Variants in SAMSN1 observed in about 807,000 individuals in gnomAD.
SAMSN1 encodes the protein SAM domain-containing protein SAMSN-1.
SAMSN1 carries 31 observed loss-of-function variants against 42.0 expected under a neutral mutation model. The ratio of observed to expected loss-of-function variants is 0.74; its 90% CI spans 0.55 to 1.00. The LOEUF (loss-of-function observed/expected upper bound fraction) is 1.00, where lower values mean the gene tolerates loss of function less well. Among genes scored for constraint, SAMSN1 ranks in the 50% least tolerant of loss-of-function variants. The pLI is 0.00. For missense variants in SAMSN1, 464 were observed against 439.4 expected, an observed-to-expected ratio of 1.06 and a Z score of -0.50; for synonymous variants, 178 against 151.9, an observed-to-expected ratio of 1.17 and a Z score of -1.26.
upstream of SAMSN1, among the ~76,000 whole-genome samples, chr21:14,546,622 G>A (rs13052873): frequency 0.22 from 32,942 of 150,636 alleles, 4,533 homozygotes; most frequent in East Asian, 0.49. Flanking sequence ...AGAAAAAATC[G>A]GAGCCAATAA....
At chr21:14,586,994 G>A (rs992007863), upstream of SAMSN1, among the ~76,000 whole-genome samples, 1 of 152,182 alleles carries the variant, frequency 6.6e-6, no homozygotes, top group African/African-American at 2.4e-5. Flanking sequence ...TGAGCCCAGA[G>A]AATAACAGAG....
At chr21:14,510,034 G>T (rs1987612474) in intron 5 of SAMSN1, among the ~76,000 whole-genome samples, 1 of 152,052 alleles carries the variant, frequency 6.6e-6, no homozygotes, top group Non-Finnish European at 1.5e-5. Flanking sequence ...AGCTACTCGG[G>T]AGGCTGAGGC....
chr21:14,502,765 G>A (rs1003142494), intron 5 of SAMSN1, among the ~76,000 whole-genome samples: 3 of 152,072 alleles, frequency 2.0e-5, no homozygotes, highest in African/African-American at 7.2e-5. Context: ...CATAACTAAG[G>A]AGCTTACTGT....
intron 1 of SAMSN1, among the ~76,000 whole-genome samples, chr21:14,540,969 A>C (rs928360508): frequency 2.6e-5 from 4 of 152,182 alleles, no homozygotes; most frequent in Non-Finnish European, 5.9e-5. Flanking sequence ...TGATGAGTTC[A>C]TGTCCTTTGT....
chr21:14,606,139 C>A (rs1395769453), intron 5 of SAMSN1, among the ~76,000 whole-genome samples: 1 of 152,080 alleles, frequency 6.6e-6, no homozygotes, highest in Admixed American at 6.6e-5. Context: ...TGCGCCCGGT[C>A]AAGAAGATTT....
At chr21:14,608,125 A>C (rs1982612083) in intron 5 of SAMSN1, among the ~76,000 whole-genome samples, 1 of 152,208 alleles carries the variant, frequency 6.6e-6, no homozygotes, top group Non-Finnish European at 1.5e-5. Context: ...TTCACACAAG[A>C]GAGCACCTCC....
chr21:14,576,984 T>C (rs1169681021), intron 2 of SAMSN1, among the ~76,000 whole-genome samples: 1 of 151,238 alleles, frequency 6.6e-6, no homozygotes, highest in African/African-American at 2.4e-5. Flanking sequence ...TTTGAAAATA[T>C]TTTAGAAATT....
chr21:14,548,804 G>A (rs80196097), upstream of SAMSN1, among the ~76,000 whole-genome samples: 1,953 of 152,006 alleles, frequency 0.013, 15 homozygotes, highest in South Asian at 0.025. Flanking sequence ...GATATTTAGT[G>A]AGTGACACAG....
At chr21:14,634,458 A>G (rs1245154754) in intron 2 of SAMSN1, among the ~76,000 whole-genome samples, 2 of 152,210 alleles carry the variant, frequency 1.3e-5, no homozygotes, top group African/African-American at 2.4e-5. Context: ...GAACTTAAAC[A>G]AATTTCCAAG....
chr21:14,485,709 T>A lies in SAMSN1; in HGVS notation c.*203A>T, dbSNP rs527828903. The A allele has an allele frequency of 1.8e-5, 8 of 450,596 alleles. No individual in the cohort carries two copies. Among genetic ancestry groups the A allele is most frequent in the African/African-American group, 7.9e-5 (4 of 50,906 alleles). 27.9% of individuals were successfully genotyped at this position (450,596 alleles called of 1,614,324 possible). A position where few individuals can be genotyped will look rare whatever the true frequency, so the allele number is the denominator to read the frequency against. Reference sequence around the variant, plus strand: ...AAGTGAAATATTAACACATAGCATTTAAAATAATAAATATATATTTTATTG... The same window carrying A: ...AAGTGAAATATTAACACATAGCATTAAAAATAATAAATATATATTTTATTG... On this transcript the variant is annotated 3_prime_UTR_variant, in exon 8 of 8. Coordinates refer to ENST00000400566, the MANE Select transcript of SAMSN1 (RefSeq NM_022136.5).
intron 2 of SAMSN1, among the ~76,000 whole-genome samples, chr21:14,553,063 T>C (rs565241803): frequency 2.4e-4 from 37 of 152,232 alleles, no homozygotes; most frequent in Non-Finnish European, 4.0e-4. Flanking sequence ...AAAATGTTTC[T>C]AGTTGGTTAG....
intron 2 of SAMSN1, among the ~76,000 whole-genome samples, chr21:14,577,077 A>G (rs1283957822): frequency 1.5e-5 from 1 of 68,520 alleles, no homozygotes; most frequent in African/African-American, 7.1e-5. Context: ...TTTTTTTGAG[A>G]CGGAATCTCA....
At chr21:14,618,103 C>A (rs1266864444) in intron 2 of SAMSN1, among the ~76,000 whole-genome samples, 1 of 152,190 alleles carries the variant, frequency 6.6e-6, no homozygotes, top group African/African-American at 2.4e-5. Context: ...TCACAATATT[C>A]TCTAGGGACT....
At chr21:14,582,185 T>C (rs1420862935) in exon 2 of SAMSN1, 1 of 1,550,674 alleles carries the variant, frequency 6.4e-7, no homozygotes, top group Admixed American at 2.0e-5. Context: ...GAGACGTGTG[T>C]GGCGAATACA....
chr21:14,580,109 G>A (rs1265178745), intron 2 of SAMSN1, among the ~76,000 whole-genome samples: 4 of 151,956 alleles, frequency 2.6e-5, no homozygotes, highest in African/African-American at 4.8e-5. Flanking sequence ...AGATGATGAA[G>A]TATTTGATCT....
chr21:14,578,133 A>G (rs1276721253), intron 2 of SAMSN1, among the ~76,000 whole-genome samples: 1 of 152,190 alleles, frequency 6.6e-6, no homozygotes, highest in African/African-American at 2.4e-5. Flanking sequence ...ATTTCACTAA[A>G]TTTTTCTAAT....
At chr21:14,594,125 T>G (rs1429431486) in intron 6 of SAMSN1, 1 of 643,460 alleles carries the variant, frequency 1.6e-6, no homozygotes, top group Non-Finnish European at 2.9e-6. Flanking sequence ...TTAACATTCT[T>G]TAAAAAACAA....
At chr21:14,504,584 C>T (rs1406758278) in intron 5 of SAMSN1, among the ~76,000 whole-genome samples, 1 of 152,046 alleles carries the variant, frequency 6.6e-6, no homozygotes, top group African/African-American at 2.4e-5. Context: ...ATGAACAAAG[C>T]CTCCAAGAAG....
At chr21:14,644,020 T>C (rs1037351781) in intron 1 of SAMSN1, among the ~76,000 whole-genome samples, 4 of 152,144 alleles carry the variant, frequency 2.6e-5, no homozygotes, top group African/African-American at 9.7e-5. Context: ...TGGTCCAAGG[T>C]TGAGTGCCTG....
Sources: allele counts gnomAD v4.1 joint callset (sites outside exome capture counted in the v4.1 genomes callset), GRCh38; gene constraint gnomAD v4.1.1; transcripts MANE v1.5; gene names NCBI Gene and HGNC (gene_info 2026-07-23, HGNC 2026-07-21).